The following MACF1 variants were observed in gnomAD, a reference collection of about 807,000 sequenced individuals.
The protein encoded by MACF1 is microtubule-actin cross-linking factor 1.
A neutral mutation model predicts 854.8 loss-of-function variants in MACF1; 193 were observed. The ratio of observed to expected loss-of-function variants is 0.23; its 90% CI spans 0.20 to 0.25. MACF1 has a LOEUF of 0.25. MACF1 is among the 10% of genes least tolerant of loss of function. The pLI, the probability that MACF1 is intolerant of heterozygous loss-of-function variation, is 1.00. For missense variants in MACF1, 7,722 were observed against 8,929.1 expected, an observed-to-expected ratio of 0.86 and a Z score of 5.45; for synonymous variants, 3,185 against 3,226.7, an observed-to-expected ratio of 0.99 and a Z score of 0.44.
intron 2 of MACF1, among the ~76,000 whole-genome samples, chr1:39,241,453 C>T (rs1030324423): frequency 2.0e-5 from 3 of 151,794 alleles, no homozygotes; most frequent in East Asian, 1.9e-4. Flanking sequence ...TGAGGTCAGG[C>T]GTTCGGGACC....
Position 39,349,559 on chromosome 1 carries a change from G to A in MACF1, c.10897G>A (p.Ala3633Thr). 6.2e-7 allele frequency: 1 copy of A among 1,614,184 alleles called. No homozygotes were observed. Among genetic ancestry groups the A allele is most frequent in the Non-Finnish European group, 8.5e-7 (1 of 1,180,016 alleles). The change falls in exon 42 of 101, where the codon GCA becomes ACA. Residue 3633 changes from alanine (A) to threonine (T), a missense_variant. Physicochemically the swap from Ala to Thr is moderately conservative, Grantham distance 58 (BLOSUM62 0). Coordinates refer to ENST00000564288, the MANE Select transcript of MACF1 (RefSeq NM_001394062.1). ...GGTAGGACAGGCAGAAAGAGCACTG[G>A]CAGGCCACCAAGGCAGAACCACCCA... is the stretch of plus-strand genomic sequence containing the variant. ...SWVGQAERALAGHQGRTTQQD... is the reference protein window; with the variant it reads ...SWVGQAERALTGHQGRTTQQD...
chr1:39,187,211 G>A (rs1644185229), intron 2 of MACF1, among the ~76,000 whole-genome samples: 1 of 151,572 alleles, frequency 6.6e-6, no homozygotes, highest in Admixed American at 6.6e-5. Flanking sequence ...TTTCCTTTTT[G>A]GACCAACTTT....
At chr1:39,155,899 T>G (rs1390147747) in intron 2 of MACF1, among the ~76,000 whole-genome samples, 4 of 151,732 alleles carry the variant, frequency 2.6e-5, no homozygotes, top group African/African-American at 9.7e-5. Context: ...GTTTTGTTTT[T>G]TTTTTTGAGA....
chr1:39,482,871 T>C (rs567680877), intron 99 of MACF1, among the ~76,000 whole-genome samples: 7 of 150,422 alleles, frequency 4.7e-5, no homozygotes, highest in Non-Finnish European at 7.4e-5. Flanking sequence ...CCCAACACTT[T>C]GTGAGGCCGA....
intron 87 of MACF1, 44 bp from the exon 88 acceptor site, chr1:39,453,663 A>G (rs1407910786): frequency 3.2e-6 from 5 of 1,579,746 alleles, no homozygotes; most frequent in Non-Finnish European, 4.4e-6. Context: ...AGTGCTGCTA[A>G]TGTAGACTTT....
rs200611539 is a variant in MACF1 at position 39,444,741 on chromosome 1, G to A, written c.19511G>A (p.Arg6504His). 3.2e-4 allele frequency: 524 copies of A among 1,614,044 alleles called. 1 individual carries two copies. The highest frequency in any genetic ancestry group is 4.2e-4 in the Non-Finnish European group (492 of 1,180,014). The part of the protein sequence containing the change: ...LDKGRLMLLS[R>H]DDSGSGSKTE... ...AAGGGCAGACTCATGCTTCTAAGCC[G>A]TGACGACTCTGGGTCTGGCTCCAAG... Residue 6504 changes from arginine to histidine, a missense_variant, in exon 80 of 101, where the codon CGT becomes CAT. Arg to His is a conservative substitution (Grantham distance 29, BLOSUM62 0). Around this residue, in one of 15 missense-constraint regions of MACF1, gnomAD observed 729 missense variants for 900.5 expected, o/e 0.81. Transcript: ENST00000564288.
chr1:39,468,562 C>T, intron 95 of MACF1, 53 bp from the exon 96 acceptor site: 1 of 1,426,654 alleles, frequency 7.0e-7, no homozygotes, highest in South Asian at 1.2e-5. Flanking sequence ...GGGAGAAAAA[C>T]ATAGATCTGC....
chr1:39,141,081 C>T (rs1375290995), intron 2 of MACF1, among the ~76,000 whole-genome samples: 1 of 152,090 alleles, frequency 6.6e-6, no homozygotes, highest in Admixed American at 6.6e-5. Flanking sequence ...TGTTAAGCAG[C>T]AGAGTTAGGT....
intron 35 of MACF1, among the ~76,000 whole-genome samples, chr1:39,326,009 G>C (rs927013857): frequency 1.3e-4 from 20 of 152,106 alleles, no homozygotes; most frequent in Admixed American, 9.8e-4. Flanking sequence ...GAAGAGACTG[G>C]TGGTTTGATT....
At chr1:39,299,709 T>C (rs1277349526) in intron 21 of MACF1, among the ~76,000 whole-genome samples, 1 of 152,110 alleles carries the variant, frequency 6.6e-6, no homozygotes, top group African/African-American at 2.4e-5. Flanking sequence ...TTTAGGAAAA[T>C]AAAATATTTG....
chr1:39,102,622 G>T lies in MACF1; in HGVS notation c.220+18184G>T, dbSNP rs1571041077. On this transcript the variant is annotated intron_variant, in intron 2 of 93. Coordinates refer to the MACF1 transcript ENST00000361689. ...AAAGTGGCAGGGCTTTAGGGATAGG[G>T]GTATTTGATGAGGCTTTAATTGGGA... 6.4e-6 allele frequency: 4 copies of T among 620,200 alleles called. No homozygotes were observed. In the East Asian group the frequency reaches 1.1e-4, roughly 17 times the overall value. The allele number at this position is 620,200 out of a possible 1,614,324, so 38.4% of individuals were successfully genotyped here.
chr1:39,174,106 T>G (rs189395723), intron 2 of MACF1, among the ~76,000 whole-genome samples: 2 of 152,328 alleles, frequency 1.3e-5, no homozygotes, highest in East Asian at 3.9e-4. Context: ...TTTTGGTCAT[T>G]GCTTCTACTA....
At chr1:39,199,228 G>A (rs966996695) in intron 2 of MACF1, among the ~76,000 whole-genome samples, 1 of 151,746 alleles carries the variant, frequency 6.6e-6, no homozygotes. Flanking sequence ...CTCATGATCC[G>A]CCCGCCTCGG....
intron 49 of MACF1, among the ~76,000 whole-genome samples, chr1:39,367,847 G>A (rs1648867546): frequency 6.6e-6 from 1 of 152,004 alleles, no homozygotes; most frequent in Non-Finnish European, 1.5e-5. Flanking sequence ...GCAGGAGACT[G>A]TAATCCCAGC....
At chr1:39,284,585 ATGT>A (rs962541831) in intron 11 of MACF1, among the ~76,000 whole-genome samples, 157 bp downstream of exon 11, 2 of 152,210 alleles carry the variant, frequency 1.3e-5, no homozygotes, top group Non-Finnish European at 2.9e-5. Context: ...TGGTCTTAAA[ATGT>A]TGTGGTAAAG....
rs200188679 is a variant in MACF1 at position 39,336,115 on chromosome 1, T to C, written c.9527T>C (p.Val3176Ala). 1.2e-6 allele frequency: 2 copies of C among 1,614,058 alleles called. No homozygotes were observed. The highest frequency in any genetic ancestry group is 2.2e-5 in the South Asian group (2 of 91,056). Residue 3176 changes from valine (V) to alanine (A), a missense_variant, in exon 37 of 101, where the codon GTA becomes GCA. Transcript: ENST00000564288. Reference protein sequence around the residue: ...NECKEKSYQEVSFDPARGLKL... With the variant: ...NECKEKSYQEASFDPARGLKL... ...TGTAAAGAAAAGTCATACCAAGAAG[T>C]ATCTTTTGACCCAGCAAGAGGTCTT...
At position 39,485,558 on chromosome 1, in the gene MACF1, C is replaced by A. The variant is rs766386254; in HGVS notation, c.22432C>A (p.Arg7478Ser). Reference sequence around the variant, plus strand: ...TCCAGACCCTAAAAAGTCTGCCAGTCGCCCTGGGAGTCGGGCTGGGAGTCG... The same window carrying A: ...TCCAGACCCTAAAAAGTCTGCCAGTAGCCCTGGGAGTCGGGCTGGGAGTCG... Reference protein sequence around the residue: ...NRADPKKSASRPGSRAGSRAG... With the variant: ...NRADPKKSASSPGSRAGSRAG... The change falls in exon 101 of 101, where the codon CGC (arginine) becomes AGC (serine). Residue 7478 changes from arginine to serine, a missense_variant. This residue lies in a region of MACF1 where 185 missense variants were observed against 225.7 expected (regional missense o/e 0.82). Transcript: ENST00000564288. 1.1e-5 allele frequency: 17 copies of A among 1,613,380 alleles called. No homozygotes were observed. The South Asian group carries it at 1.9e-4, about 18-fold the overall frequency.
chr1:39,472,022 G>T (rs1278147615), intron 97 of MACF1, among the ~76,000 whole-genome samples: 2 of 152,114 alleles, frequency 1.3e-5, no homozygotes, highest in Non-Finnish European at 2.9e-5. Context: ...CCAGTTTCAG[G>T]TGGCCAGCAT....
chr1:39,090,204 G>A (rs561578105), intron 2 of MACF1, among the ~76,000 whole-genome samples: 6 of 152,312 alleles, frequency 3.9e-5, no homozygotes, highest in Non-Finnish European at 7.4e-5. Context: ...TCCTTGCCCT[G>A]AGGCTCTTCG....
Sources: allele counts gnomAD v4.1 joint callset (sites outside exome capture counted in the v4.1 genomes callset), GRCh38; gene constraint gnomAD v4.1.1; regional missense constraint gnomAD v4.1.1; transcripts MANE v1.5; gene names NCBI Gene and HGNC (gene_info 2026-07-23, HGNC 2026-07-21).